The following GREB1L variants were observed in gnomAD, a reference collection of about 807,000 sequenced individuals.
The protein encoded by GREB1L is GREB1-like protein.
In GREB1L, 17 loss-of-function variants were observed where a neutral mutation model predicts 200.8. The ratio of observed to expected loss-of-function variants is 0.08; its 90% CI spans 0.06 to 0.13. The LOEUF (loss-of-function observed/expected upper bound fraction) is 0.13. Among genes scored for constraint, GREB1L ranks in the 10% least tolerant of loss-of-function variants. The pLI is 1.00. For missense variants in GREB1L, 1,657 were observed against 2,367.7 expected (o/e 0.70, Z 6.23); for synonymous variants, 789 against 893.0 (o/e 0.88, Z 2.08).
At chr18:21,375,596 C>A (rs1429651990) in intron 2 of GREB1L, among the ~76,000 whole-genome samples, 1 of 151,992 alleles carries the variant, frequency 6.6e-6, no homozygotes, top group Non-Finnish European at 1.5e-5. Flanking sequence ...ATTCATTTAC[C>A]CAATTGGGCC....
intron 1 of GREB1L, among the ~76,000 whole-genome samples, chr18:21,329,885 C>G (rs1345402436): frequency 6.6e-6 from 1 of 151,686 alleles, no homozygotes; most frequent in Non-Finnish European, 1.5e-5. Context: ...TTCTTGATTT[C>G]CAGATTCTCT....
chr18:21,267,686 A>C (rs2037993665), intron 1 of GREB1L, among the ~76,000 whole-genome samples: 1 of 152,182 alleles, frequency 6.6e-6, no homozygotes, highest in African/African-American at 2.4e-5. Context: ...GACCCCATCC[A>C]ATCATAAATG....
At chr18:21,449,011 T>C (rs1377716258) in intron 11 of GREB1L, among the ~76,000 whole-genome samples, 1 of 152,224 alleles carries the variant, frequency 6.6e-6, no homozygotes, top group Non-Finnish European at 1.5e-5. Flanking sequence ...TTAAACTTCA[T>C]TTCCTGCACA....
intron 10 of GREB1L, among the ~76,000 whole-genome samples, chr18:21,441,746 T>A (rs188213499): frequency 6.6e-6 from 1 of 152,288 alleles, no homozygotes; most frequent in African/African-American, 2.4e-5. Context: ...GAGCACTGTT[T>A]AGTGGGGGAG....
intron 1 of GREB1L, among the ~76,000 whole-genome samples, chr18:21,359,629 G>C (rs1258121129): frequency 6.6e-6 from 1 of 152,162 alleles, no homozygotes; most frequent in African/African-American, 2.4e-5. Flanking sequence ...GAGGAACTGC[G>C]TCTCATCTCC....
chr18:21,366,643 A>C (rs2039690656), intron 2 of GREB1L, among the ~76,000 whole-genome samples: 1 of 110,630 alleles, frequency 9.0e-6, no homozygotes, highest in Non-Finnish European at 1.7e-5. Context: ...CATCAAAGAA[A>C]ATCAGATGCT....
chr18:21,494,768 A>G (rs1181411753), intron 19 of GREB1L, among the ~76,000 whole-genome samples: 1 of 152,216 alleles, frequency 6.6e-6, no homozygotes, highest in Non-Finnish European at 1.5e-5. Context: ...CTTAATGAAA[A>G]GCAGTAGAAA....
chr18:21,244,378 T>C, intron 1 of GREB1L, among the ~76,000 whole-genome samples: 1 of 152,148 alleles, frequency 6.6e-6, no homozygotes, highest in East Asian at 1.9e-4. Context: ...TATAAAGATG[T>C]TAGTGGTAAA....
chr18:21,436,717 T>TGTGTGTGTGTGTGTG (rs1568009671), intron 7 of GREB1L, among the ~76,000 whole-genome samples: 1 of 147,864 alleles, frequency 6.8e-6, no homozygotes, highest in African/African-American at 2.5e-5. Flanking sequence ...TGTGTGTGTG[T>TGTGTGTGTGTGTGTG]TTTCTTTTTC....
At chr18:21,284,431 T>TG (rs1203187901) in intron 1 of GREB1L, among the ~76,000 whole-genome samples, 10 of 152,118 alleles carry the variant, frequency 6.6e-5, no homozygotes, top group East Asian at 1.9e-4. Context: ...ATTATATAAT[T>TG]GGGGGGGCTT....
intron 1 of GREB1L, among the ~76,000 whole-genome samples, chr18:21,257,890 C>T (rs1326127356): frequency 6.6e-6 from 1 of 152,096 alleles, no homozygotes; most frequent in Non-Finnish European, 1.5e-5. Context: ...TCACAACAGC[C>T]CTGTAAAGTA....
intron 15 of GREB1L, among the ~76,000 whole-genome samples, chr18:21,460,528 C>T (rs1465611106): frequency 6.6e-6 from 1 of 151,938 alleles, no homozygotes; most frequent in Non-Finnish European, 1.5e-5. Flanking sequence ...TTTATATAGA[C>T]GGAGTTTCAC....
intron 1 of GREB1L, among the ~76,000 whole-genome samples, chr18:21,297,716 G>A (rs1269751327): frequency 6.6e-6 from 1 of 152,170 alleles, no homozygotes; most frequent in Non-Finnish European, 1.5e-5. Flanking sequence ...GCAAAGCTTG[G>A]AAGGAATTTC....
intron 2 of GREB1L, among the ~76,000 whole-genome samples, chr18:21,371,652 C>T (rs1050570603): frequency 1.8e-4 from 28 of 151,414 alleles, no homozygotes; most frequent in African/African-American, 3.4e-4. Context: ...CCGGGCGTGG[C>T]GGGCGCCTGT....
intron 16 of GREB1L, among the ~76,000 whole-genome samples, chr18:21,476,643 C>T (rs1484903423): frequency 6.6e-6 from 1 of 151,886 alleles, no homozygotes; most frequent in Non-Finnish European, 1.5e-5. Flanking sequence ...GATTTCTGCT[C>T]ACCGCCACCT....
chr18:21,423,300 G>A lies in GREB1L; in HGVS notation c.833-16221G>A, dbSNP rs146058865. On this transcript the variant is annotated intron_variant, in intron 7 of 32. Coordinates refer to ENST00000424526, the MANE Select transcript of GREB1L (RefSeq NM_001142966.3). ...TGTTGCATTTGTTTAAAAGCTGTTT[G>A]CATTTTTTCCTATAAACTCTAAGTT... 6.4e-4 allele frequency among the ~76,000 whole-genome samples: 98 copies of A among 152,168 alleles called. No individual in the cohort carries two copies. In the Middle Eastern group the frequency reaches 0.014, roughly 21 times the overall value.
At chr18:21,377,395 T>G (rs1397724510) in intron 2 of GREB1L, among the ~76,000 whole-genome samples, 3 of 152,200 alleles carry the variant, frequency 2.0e-5, no homozygotes, top group Non-Finnish European at 4.4e-5. Context: ...CCTTAACCTG[T>G]ATGTTTTCAT....
chr18:21,441,322 T>A, intron 9 of GREB1L, 78 bp from the exon 10 acceptor site: 1 of 1,199,830 alleles, frequency 8.3e-7, no homozygotes, highest in Non-Finnish European at 1.1e-6. Context: ...CTGTTAAAAG[T>A]ATTAAAACTG....
chr18:21,364,896 A>G (rs1368466295), intron 1 of GREB1L, among the ~76,000 whole-genome samples: 1 of 151,716 alleles, frequency 6.6e-6, no homozygotes, highest in East Asian at 1.9e-4. Flanking sequence ...ATTGGCAGTA[A>G]TGCAGTTTGA....
Sources: gnomAD v4.1 joint callset for allele counts (sites outside exome capture counted in the v4.1 genomes callset) on GRCh38, gnomAD v4.1.1 for gene constraint, MANE v1.5 for transcripts, NCBI Gene and HGNC (gene_info 2026-07-23, HGNC 2026-07-21) for gene names.